The following FRS2 variants were observed in gnomAD, a reference collection of about 807,000 sequenced individuals.
FRS2 encodes the protein fibroblast growth factor receptor substrate 2.
FRS2 carries 8 observed loss-of-function variants against 43.9 expected under a neutral mutation model. That is an observed-to-expected ratio of 0.18 (90% CI 0.11 to 0.33). FRS2 has a LOEUF of 0.33. FRS2 is among the 10% of genes least tolerant of loss of function. The pLI is 1.00. For synonymous variants in FRS2, 219 were observed against 220.3 expected, an observed-to-expected ratio of 0.99 and a Z score of 0.05; for missense variants, 534 against 627.6, an observed-to-expected ratio of 0.85 and a Z score of 1.59.
intron 1 of FRS2, among the ~76,000 whole-genome samples, chr12:69,472,285 G>A (rs984454547): frequency 4.7e-5 from 7 of 149,112 alleles, no homozygotes; most frequent in African/African-American, 1.7e-4. Context: ...TAGAGCCGAG[G>A]TTTCACTATG....
intron 3 of FRS2, among the ~76,000 whole-genome samples, chr12:69,550,213 C>T (rs1437210645): frequency 6.6e-6 from 1 of 152,212 alleles, no homozygotes; most frequent in Admixed American, 6.5e-5. Flanking sequence ...TTTTCCTTGA[C>T]TCCTGCTTTC....
At chr12:69,478,694 A>G (rs1201185534) in intron 1 of FRS2, among the ~76,000 whole-genome samples, 2 of 150,740 alleles carry the variant, frequency 1.3e-5, no homozygotes, top group African/African-American at 4.9e-5. Flanking sequence ...TTCAGAATTT[A>G]CTTTTATTCT....
At chr12:69,539,814 G>T (rs572061682) in intron 3 of FRS2, among the ~76,000 whole-genome samples, 2 of 152,064 alleles carry the variant, frequency 1.3e-5, no homozygotes, top group African/African-American at 4.8e-5. Flanking sequence ...AATTAGCTGG[G>T]CAGGGTGGCG....
chr12:69,516,310 C>CTT (rs1298448864), intron 1 of FRS2, among the ~76,000 whole-genome samples: 1 of 151,968 alleles, frequency 6.6e-6, no homozygotes, highest in South Asian at 2.1e-4. Flanking sequence ...CCTCCGCCTC[C>CTT]CTGGTTCAAG....
intron 1 of FRS2, among the ~76,000 whole-genome samples, chr12:69,527,596 C>A (rs1188279792): frequency 6.6e-6 from 1 of 152,034 alleles, no homozygotes; most frequent in Non-Finnish European, 1.5e-5. Flanking sequence ...TAATAGTGAA[C>A]AAGACAAACT....
At chr12:69,490,005 C>T (rs67190554) in intron 1 of FRS2, among the ~76,000 whole-genome samples, 55,559 of 151,352 alleles carry the variant, frequency 0.37, 10,614 homozygotes, top group South Asian at 0.58. Flanking sequence ...AAAAATAGGT[C>T]GTCAAGTCTA....
At chr12:69,551,770 T>C (rs527432) in intron 3 of FRS2, among the ~76,000 whole-genome samples, 14,213 of 152,106 alleles carry the variant, frequency 0.093, 872 homozygotes, top group Non-Finnish European at 0.14. Flanking sequence ...TACCACTTGA[T>C]AGTAACTATC....
intron 1 of FRS2, among the ~76,000 whole-genome samples, chr12:69,474,803 T>C (rs1440740176): frequency 6.6e-6 from 1 of 152,242 alleles, no homozygotes; most frequent in East Asian, 1.9e-4. Context: ...CACTTATTTA[T>C]GTGTATGACA....
At chr12:69,521,851 T>TGATCCACCTGCCTCGGCCTCCC (rs1317683804) in intron 1 of FRS2, among the ~76,000 whole-genome samples, 1 of 152,182 alleles carries the variant, frequency 6.6e-6, no homozygotes, top group South Asian at 2.1e-4. Context: ...CCTGACCTCG[T>TGATCCACCTGCCTCGGCCTCCC]GATCCACCTG....
chr12:69,519,481 T>C (rs1875408374), intron 1 of FRS2, among the ~76,000 whole-genome samples: 1 of 152,198 alleles, frequency 6.6e-6, no homozygotes, highest in Non-Finnish European at 1.5e-5. Flanking sequence ...CGGGGTTTGT[T>C]GTATAGATGA....
intron 3 of FRS2, among the ~76,000 whole-genome samples, chr12:69,556,022 G>T (rs1040437732): frequency 6.7e-6 from 1 of 150,162 alleles, no homozygotes; most frequent in African/African-American, 2.5e-5. Context: ...GGGGGGGGCG[G>T]TGTACACATG....
chr12:69,477,303 C>T (rs1237774109), intron 1 of FRS2, among the ~76,000 whole-genome samples: 3 of 122,266 alleles, frequency 2.5e-5, no homozygotes, highest in African/African-American at 6.3e-5. Flanking sequence ...TGGTTTGAGA[C>T]GGAGTCTCGC....
intron 1 of FRS2, among the ~76,000 whole-genome samples, chr12:69,518,319 T>C (rs540043032): frequency 2.8e-4 from 43 of 152,328 alleles, no homozygotes; most frequent in Non-Finnish European, 5.4e-4. Context: ...CTCTATATCC[T>C]GTACACTCCT....
At chr12:69,556,006 GGC>G (rs1416709560) in intron 3 of FRS2, among the ~76,000 whole-genome samples, 5 of 73,656 alleles carry the variant, frequency 6.8e-5, no homozygotes, top group African/African-American at 2.3e-4. Context: ...GTGTGTGTGT[GGC>G]GGGGGGGGGG....
At position 69,579,701 on chromosome 12, in the gene FRS2, T is replaced by TTG. The variant is rs1375523034; in HGVS notation, c.*4747_*4748dup. The TTG allele has an allele frequency of 6.6e-6, 1 of 152,206 alleles. No individual in the cohort carries two copies. The highest frequency in any genetic ancestry group is 1.5e-5 in the Non-Finnish European group (1 of 68,036). The allele number at this position is 152,206 out of a possible 1,614,324, so 9.4% of individuals were successfully genotyped here. On this transcript the variant is annotated 3_prime_UTR_variant, in exon 9 of 9. Transcript: ENST00000549921. The stretch of plus-strand genomic sequence containing the variant: ...AGCTGCTTTATTGAATAAAGTCTGA[T>TTG]TGGAGTTCTTTTCATGCTCACTTTC...
At chr12:69,517,639 T>C (rs1565740871) in intron 1 of FRS2, among the ~76,000 whole-genome samples, 1 of 151,934 alleles carries the variant, frequency 6.6e-6, no homozygotes, top group African/African-American at 2.4e-5. Context: ...AAAGGGCACA[T>C]AGGCCATTTC....
At position 69,472,831 on chromosome 12, in the gene FRS2, A is replaced by G. The variant is rs1006452201; in HGVS notation, c.-261+2301A>G. 8.5e-5 allele frequency among the ~76,000 whole-genome samples: 13 copies of G among 152,048 alleles called. 1 individual carries two copies. The highest frequency in any genetic ancestry group is 8.5e-4 in the Admixed American group (13 of 15,254). ...GTTGTATTCTTTAGGCATACTAACA[A>G]TTTTTTTTGTAATTGGGACTTAACA... On this transcript the variant is annotated intron_variant, in intron 1 of 8. Transcript: ENST00000549921.
At chr12:69,530,379 G>T (rs1876672842) in intron 1 of FRS2, among the ~76,000 whole-genome samples, 1 of 151,840 alleles carries the variant, frequency 6.6e-6, no homozygotes, top group Non-Finnish European at 1.5e-5. Flanking sequence ...CAAATAGCCA[G>T]TTTTCTATCT....
chr12:69,488,130 T>C lies in FRS2; in HGVS notation c.-261+17600T>C, dbSNP rs542914644. Among the ~76,000 whole-genome samples the C allele has an allele frequency of 5.3e-5, 8 of 152,346 alleles. No homozygotes were observed. The South Asian group carries it at 1.2e-3, about 24-fold the overall frequency. ...TAGAATATTACATAAATTGAGTTGA[T>C]AAAGCAGTGACAGGGTTTGAGAGGA... On this transcript the variant is annotated intron_variant, in intron 1 of 8. Coordinates refer to ENST00000549921, the MANE Select transcript of FRS2 (RefSeq NM_001278356.2).
Sources: gnomAD v4.1 joint callset for allele counts (sites outside exome capture counted in the v4.1 genomes callset) on GRCh38, gnomAD v4.1.1 for gene constraint, MANE v1.5 for transcripts, NCBI Gene and HGNC (gene_info 2026-07-23, HGNC 2026-07-21) for gene names.